SYT16: variants seen among roughly 807,000 people sequenced by gnomAD.
SYT16 encodes the protein synaptotagmin 16.
SYT16 carries 42 observed loss-of-function variants against 61.4 expected under a neutral mutation model. That is an observed-to-expected ratio of 0.68 (90% CI 0.53 to 0.89). SYT16 has a LOEUF of 0.89. Among genes scored for constraint, SYT16 ranks in the 40% least tolerant of loss-of-function variants. The pLI is 0.00. For missense variants in SYT16, 804 were observed against 807.3 expected (o/e 1.00, Z 0.05); for synonymous variants, 314 against 302.3 (o/e 1.04, Z -0.40).
intron 1 of SYT16, among the ~76,000 whole-genome samples, chr14:61,922,974 G>A (rs913362063): frequency 6.6e-5 from 10 of 151,514 alleles, no homozygotes; most frequent in Admixed American, 6.6e-5. Context: ...GCTTGAACCC[G>A]GGAGGCAGAG....
intron 1 of SYT16, among the ~76,000 whole-genome samples, chr14:61,879,474 C>T (rs1426791806): frequency 1.3e-5 from 2 of 152,180 alleles, no homozygotes; most frequent in African/African-American, 2.4e-5. Flanking sequence ...GAAGCTCTAA[C>T]ATTGCATGAT....
intron 3 of SYT16, among the ~76,000 whole-genome samples, chr14:62,002,675 C>A (rs2053068700): frequency 6.6e-6 from 1 of 152,078 alleles, no homozygotes; most frequent in African/African-American, 2.4e-5. Context: ...GCCCCTTCCC[C>A]AGGGATAGAA....
intron 1 of SYT16, among the ~76,000 whole-genome samples, chr14:61,896,282 C>T (rs1489278884): frequency 6.6e-6 from 1 of 152,178 alleles, no homozygotes; most frequent in African/African-American, 2.4e-5. Flanking sequence ...GTGTACAGGT[C>T]CCCTGGGCTA....
intron 2 of SYT16, among the ~76,000 whole-genome samples, chr14:61,982,851 C>G (rs1245062241): frequency 1.3e-5 from 2 of 152,172 alleles, no homozygotes; most frequent in Admixed American, 6.5e-5. Flanking sequence ...TTAACAACAG[C>G]TCTTCTCTGG....
intron 2 of SYT16, among the ~76,000 whole-genome samples, chr14:61,986,582 C>G (rs2052326107): frequency 6.6e-6 from 1 of 151,906 alleles, no homozygotes. Flanking sequence ...GGTATATCTC[C>G]TAATGGTATT....
chr14:61,989,973 C>A (rs935021701), intron 2 of SYT16, among the ~76,000 whole-genome samples: 1 of 152,132 alleles, frequency 6.6e-6, no homozygotes, highest in Non-Finnish European at 1.5e-5. Flanking sequence ...AGAAAGAGTC[C>A]TGAGTAGTCC....
At chr14:62,082,118 C>T (rs890791960) in intron 6 of SYT16, among the ~76,000 whole-genome samples, 1 of 152,048 alleles carries the variant, frequency 6.6e-6, no homozygotes, top group African/African-American at 2.4e-5. Context: ...CTCAAAGCAT[C>T]GAGAGAGCGA....
intron 1 of SYT16, among the ~76,000 whole-genome samples, chr14:61,955,357 G>A (rs922532616): frequency 7.2e-5 from 11 of 151,792 alleles, no homozygotes; most frequent in African/African-American, 1.7e-4. Context: ...CAGTATTGTC[G>A]ATCATAGGCC....
At chr14:62,025,553 A>G (rs2054071522) in intron 3 of SYT16, among the ~76,000 whole-genome samples, 1 of 152,088 alleles carries the variant, frequency 6.6e-6, no homozygotes, top group South Asian at 2.1e-4. Flanking sequence ...GGCATGTCTT[A>G]TGGTTCTCTT....
intron 2 of SYT16, among the ~76,000 whole-genome samples, chr14:61,984,622 G>A (rs991840385): frequency 6.6e-6 from 1 of 152,176 alleles, no homozygotes; most frequent in African/African-American, 2.4e-5. Flanking sequence ...GGTATTTGCT[G>A]TTCCTCAGTA....
chr14:61,965,015 G>A (rs930312744), intron 1 of SYT16, among the ~76,000 whole-genome samples: 2 of 151,782 alleles, frequency 1.3e-5, no homozygotes, highest in Non-Finnish European at 2.9e-5. Flanking sequence ...ACTTTTATAT[G>A]CACTGGGAAA....
chr14:62,011,942 T>TATATATATATATA (rs1555370094), intron 3 of SYT16, among the ~76,000 whole-genome samples: 5 of 144,598 alleles, frequency 3.5e-5, no homozygotes, highest in African/African-American at 1.1e-4. Flanking sequence ...TATATATATA[T>TATATATATATATA]TTGATGCTGT....
chr14:62,086,363 C>T (rs760048268), intron 7 of SYT16, among the ~76,000 whole-genome samples: 4 of 152,096 alleles, frequency 2.6e-5, no homozygotes, highest in African/African-American at 4.8e-5. Context: ...GCCTGTAATC[C>T]CAGCTACTTG....
At chr14:61,961,881 G>A (rs539533744) in intron 1 of SYT16, among the ~76,000 whole-genome samples, 1 of 152,076 alleles carries the variant, frequency 6.6e-6, no homozygotes, top group Non-Finnish European at 1.5e-5. Context: ...GCCCATCAAT[G>A]GTAGACTTGA....
At chr14:61,866,030 G>C (rs115335502) in intron 1 of SYT16, among the ~76,000 whole-genome samples, 2,356 of 152,144 alleles carry the variant, frequency 0.015, 61 homozygotes, top group African/African-American at 0.052. Flanking sequence ...AGAAATACAT[G>C]TTTAAAATGT....
chr14:61,950,134 A>G (rs963180727), intron 1 of SYT16, among the ~76,000 whole-genome samples: 2 of 152,206 alleles, frequency 1.3e-5, no homozygotes, highest in African/African-American at 4.8e-5. Context: ...CCAGATATCC[A>G]CATCCCCACT....
intron 7 of SYT16, among the ~76,000 whole-genome samples, chr14:62,099,456 A>G (rs2057360591): frequency 6.6e-6 from 1 of 152,140 alleles, no homozygotes; most frequent in Non-Finnish European, 1.5e-5. Context: ...TGACTTGGAT[A>G]ATTTGGTGAA....
intron 1 of SYT16, among the ~76,000 whole-genome samples, chr14:61,960,816 G>A (rs1430068923): frequency 6.6e-6 from 1 of 152,056 alleles, no homozygotes; most frequent in Non-Finnish European, 1.5e-5. Context: ...TGCCCATTCA[G>A]TATGATGTTG....
chr14:61,865,931 T>A (rs558580436), intron 1 of SYT16, among the ~76,000 whole-genome samples: 1 of 152,224 alleles, frequency 6.6e-6, no homozygotes, highest in Non-Finnish European at 1.5e-5. Flanking sequence ...ACGAAATTGA[T>A]CACAGATTAT....
Sources: allele counts gnomAD v4.1 joint callset (sites outside exome capture counted in the v4.1 genomes callset), GRCh38; gene constraint gnomAD v4.1.1; transcripts MANE v1.5; gene names NCBI Gene and HGNC (gene_info 2026-07-23, HGNC 2026-07-21).